The following CYTH4 variants were observed in gnomAD, a reference collection of about 807,000 sequenced individuals.
The protein encoded by CYTH4 is cytohesin-4.
Under a neutral mutation model 57.5 loss-of-function variants are expected in CYTH4, and 22 were observed. The observed-to-expected ratio is 0.38, with a 90% CI of 0.27 to 0.55. The LOEUF is 0.55. Ranked by LOEUF, CYTH4 falls within the 20% of genes least tolerant of loss-of-function variation. CYTH4 has a pLI of 0.74. For synonymous variants in CYTH4, 186 were observed against 206.5 expected (o/e 0.90, Z 0.85); for missense variants, 420 against 535.6 (o/e 0.78, Z 2.13).
chr22:37,306,811 G>T (rs966084728), intron 8 of CYTH4, among the ~76,000 whole-genome samples: 1 of 152,218 alleles, frequency 6.6e-6, no homozygotes, highest in Non-Finnish European at 1.5e-5. Context: ...GCCTTCCCGT[G>T]CCCTCACAGT....
At chr22:37,284,071 C>A (rs1341926242) in intron 1 of CYTH4, among the ~76,000 whole-genome samples, 1 of 152,210 alleles carries the variant, frequency 6.6e-6, no homozygotes, top group Non-Finnish European at 1.5e-5. Context: ...GGCCAGTCAG[C>A]AGCAGAGCAG....
intron 8 of CYTH4, among the ~76,000 whole-genome samples, chr22:37,304,622 A>G (rs1249275302): frequency 6.6e-6 from 1 of 152,160 alleles, no homozygotes; most frequent in African/African-American, 2.4e-5. Flanking sequence ...TGGATCTGGA[A>G]TGATTCTGGT....
At chr22:37,288,120 A>T (rs1928617624) in intron 1 of CYTH4, among the ~76,000 whole-genome samples, 1 of 152,186 alleles carries the variant, frequency 6.6e-6, no homozygotes, top group African/African-American at 2.4e-5. Context: ...TCTCTATTAA[A>T]AATACAGAAA....
At chr22:37,283,326 T>G (rs890143261) in intron 1 of CYTH4, among the ~76,000 whole-genome samples, 3 of 152,182 alleles carry the variant, frequency 2.0e-5, no homozygotes, top group Non-Finnish European at 2.9e-5. Context: ...GGTCGTGTTT[T>G]GGGAGGCAAA....
At chr22:37,294,601 C>A in intron 2 of CYTH4, 59 bp from the exon 3 acceptor site, 4 of 1,596,936 alleles carry the variant, frequency 2.5e-6, no homozygotes, top group Non-Finnish European at 3.4e-6. Context: ...TGGTCTCAAA[C>A]CCCCGGGGTT....
chr22:37,282,773 C>T (rs5995410), intron 1 of CYTH4, among the ~76,000 whole-genome samples, 185 bp downstream of exon 1: 65,511 of 152,136 alleles, frequency 0.43, 15,024 homozygotes, highest in Non-Finnish European at 0.54. Flanking sequence ...GGACACACAG[C>T]AGTAGCAAAG....
intron 7 of CYTH4, among the ~76,000 whole-genome samples, 177 bp downstream of exon 7, chr22:37,301,196 G>C (rs1929166125): frequency 6.6e-6 from 1 of 152,222 alleles, no homozygotes; most frequent in Non-Finnish European, 1.5e-5. Flanking sequence ...TGACAGAGCT[G>C]CCTTGAGACA....
intron 8 of CYTH4, among the ~76,000 whole-genome samples, chr22:37,305,132 C>G (rs947981218): frequency 5.3e-5 from 8 of 152,290 alleles, no homozygotes; most frequent in African/African-American, 1.9e-4. Flanking sequence ...TACCTCCCAG[C>G]ACTGGTCCTG....
rs1179811351 is a variant in CYTH4 at position 37,300,956 on chromosome 22, C to T, written c.484C>T (p.Arg162Trp). 13 of 1,614,230 alleles carry T rather than the reference C, an allele frequency of 8.1e-6. No individual in the cohort carries two copies. Among genetic ancestry groups the T allele is most frequent in the Non-Finnish European group, 1.1e-5 (13 of 1,180,040 alleles). Reference sequence around the variant, plus strand: ...GCCGGGCGAGGCCCAGAAGATAGACCGGATGATGGAGGCCTTTGCCACTCG... The same window carrying T: ...GCCGGGCGAGGCCCAGAAGATAGACTGGATGATGGAGGCCTTTGCCACTCG... ...RLPGEAQKIDRMMEAFATRYC... is the reference protein window; with the variant it reads ...RLPGEAQKIDWMMEAFATRYC... Residue 162 changes from arginine to tryptophan, a missense_variant, in exon 7 of 13, where the codon CGG becomes TGG. Coordinates refer to ENST00000248901, the MANE Select transcript of CYTH4 (RefSeq NM_013385.5).
In CYTH4 at chr22:37,299,226, G is replaced by A; in HGVS notation, c.354G>A (p.Arg118=). The part of the protein sequence containing the change: ...KTAIGTYLGE[R]DPINLQVLQA... The stretch of plus-strand genomic sequence containing the variant: ...CCCTCCCTTCCGCCTCCTCCCCCAG[G>A]GATCCCATCAACCTGCAGGTCCTCC... The change falls in exon 6 of 13, where the codon AGG becomes AGA. Residue 118 remains arginine, a splice_region_variant and synonymous_variant. Coordinates refer to ENST00000248901, the MANE Select transcript of CYTH4 (RefSeq NM_013385.5). 1 of 1,613,656 alleles carries A rather than the reference G, an allele frequency of 6.2e-7. No homozygotes were observed. Among genetic ancestry groups the A allele is most frequent in the Non-Finnish European group, 8.5e-7 (1 of 1,179,636 alleles).
At chr22:37,313,399 G>C in intron 12 of CYTH4, 40 bp from the exon 13 acceptor site, 1 of 1,600,248 alleles carries the variant, frequency 6.2e-7, no homozygotes, top group Non-Finnish European at 8.6e-7. Context: ...CACCTTGACG[G>C]CCAGTCCAGC....
chr22:37,292,613 C>G lies in CYTH4; in HGVS notation c.20-8C>G. ...AAGTGATGGGGAAGGCCGGTTGTCT[C>G]TCTGTAGAGCCCGCGGAGCTGAGCA... On this transcript the variant is annotated splice_region_variant and splice_polypyrimidine_tract_variant and intron_variant, in intron 1 of 12. Coordinates refer to ENST00000248901, the MANE Select transcript of CYTH4 (RefSeq NM_013385.5). 1.2e-6 allele frequency: 2 copies of G among 1,613,556 alleles called. No individual in the cohort carries two copies. The highest frequency in any genetic ancestry group is 1.7e-6 in the Non-Finnish European group (2 of 1,179,772).
chr22:37,292,532 T>A, intron 1 of CYTH4, 89 bp from the exon 2 acceptor site: 1 of 1,376,376 alleles, frequency 7.3e-7, no homozygotes, highest in Non-Finnish European at 1.0e-6. Flanking sequence ...AAGTCCTGGG[T>A]TTCCGGAGGG....
At position 37,313,420 on chromosome 22, in the gene CYTH4, C is replaced by T. The variant is rs1467187981; in HGVS notation, c.1113-19C>T. The T allele has an allele frequency of 6.2e-7, 1 of 1,613,266 alleles. No individual in the cohort carries two copies. Among genetic ancestry groups the T allele is most frequent in the Admixed American group, 1.7e-5 (1 of 60,018 alleles). ...GACGGCCAGTCCAGCCCTGAAATCT[C>T]TCCTCCCACTCATTCTAGAGCCAGC... is the stretch of plus-strand genomic sequence containing the variant. On this transcript the variant is annotated intron_variant, in intron 12 of 12. Transcript: ENST00000248901.
At chr22:37,312,221 A>G (rs1273848761) in intron 12 of CYTH4, 47 bp downstream of exon 12, 1 of 1,601,670 alleles carries the variant, frequency 6.2e-7, no homozygotes, top group African/African-American at 1.3e-5. Flanking sequence ...ACCTTCCAGA[A>G]GGCCCTGCTT....
intron 5 of CYTH4, 33 bp from the exon 6 acceptor site, chr22:37,299,193 G>C (rs1351468672): frequency 1.3e-6 from 2 of 1,552,216 alleles, no homozygotes; most frequent in Non-Finnish European, 8.9e-7. Context: ...GTATCCAAGT[G>C]TGTCCCACCC....
At chr22:37,292,987 C>T (rs1928807274) in intron 2 of CYTH4, among the ~76,000 whole-genome samples, 1 of 152,206 alleles carries the variant, frequency 6.6e-6, no homozygotes, top group African/African-American at 2.4e-5. Flanking sequence ...ACAGGGCAGG[C>T]TCTGACCCCT....
At chr22:37,308,450 G>A (rs1929484212) in intron 8 of CYTH4, among the ~76,000 whole-genome samples, 1 of 149,088 alleles carries the variant, frequency 6.7e-6, no homozygotes, top group Non-Finnish European at 1.5e-5. Context: ...GTGTGTGAGT[G>A]TGCATGTATA....
chr22:37,304,147 G>A, intron 8 of CYTH4: 2 of 456,684 alleles, frequency 4.4e-6, no homozygotes, highest in South Asian at 1.5e-5. Flanking sequence ...CACAGAGGAG[G>A]TGACTTCTGA....
Sources: allele counts gnomAD v4.1 joint callset (sites outside exome capture counted in the v4.1 genomes callset), GRCh38; gene constraint gnomAD v4.1.1; transcripts MANE v1.5; gene names NCBI Gene and HGNC (gene_info 2026-07-23, HGNC 2026-07-21).